Variants in LRPPRC observed in about 807,000 individuals in gnomAD.
LRPPRC encodes leucine rich pentatricopeptide repeat containing, also known as leucine-rich PPR motif-containing protein, mitochondrial.
LRPPRC carries 120 observed loss-of-function variants against 180.3 expected under a neutral mutation model. The observed-to-expected ratio is 0.67, with a 90% confidence interval of 0.57 to 0.77. The LOEUF is 0.77. LRPPRC is among the 30% of genes least tolerant of loss of function. The pLI, the probability that LRPPRC is intolerant of heterozygous loss-of-function variation, is 0.00. For synonymous variants in LRPPRC, 723 were observed against 600.0 expected, an observed-to-expected ratio of 1.21 and a Z score of -3.00; for missense variants, 2,012 against 1,657.2, an observed-to-expected ratio of 1.21 and a Z score of -3.72.
At chr2:43,890,060 C>T (rs1670431288) in intron 36 of LRPPRC, among the ~76,000 whole-genome samples, 184 bp from the exon 37 acceptor site, 2 of 152,162 alleles carry the variant, frequency 1.3e-5, no homozygotes, top group African/African-American at 2.4e-5. Context: ...ATCCCTCATT[C>T]GGCATCACTC....
chr2:43,966,972 A>G (rs1673588506), intron 11 of LRPPRC, among the ~76,000 whole-genome samples: 1 of 151,914 alleles, frequency 6.6e-6, no homozygotes, highest in East Asian at 2.0e-4. Flanking sequence ...AACTGCTTGA[A>G]CCCAGAGGGC....
chr2:43,941,930 C>G (rs1238386755), intron 23 of LRPPRC, among the ~76,000 whole-genome samples: 2 of 149,226 alleles, frequency 1.3e-5, no homozygotes, highest in Non-Finnish European at 3.0e-5. Flanking sequence ...AGTAAAACAC[C>G]AATAATGAAA....
At chr2:43,984,165 C>G (rs1674428628) in intron 1 of LRPPRC, among the ~76,000 whole-genome samples, 1 of 151,960 alleles carries the variant, frequency 6.6e-6, no homozygotes, top group Non-Finnish European at 1.5e-5. Context: ...TAATGTCCCG[C>G]AAGCACAAAG....
At chr2:43,922,874 A>C (rs538563990) in intron 27 of LRPPRC, among the ~76,000 whole-genome samples, 7 of 152,242 alleles carry the variant, frequency 4.6e-5, no homozygotes, top group Admixed American at 6.5e-5. Flanking sequence ...GATTAGGGCT[A>C]TCATAACCAG....
Position 43,901,308 on chromosome 2 carries a change from G to C in LRPPRC, c.3569+12C>G, listed in dbSNP as rs773414778. 3 of 1,607,592 alleles carry C rather than the reference G, an allele frequency of 1.9e-6. No individual in the cohort carries two copies. The South Asian group carries it at 3.3e-5, about 18-fold the overall frequency. On this transcript the variant is annotated intron_variant, in intron 32 of 37. Transcript: ENST00000260665. ...TGACCAATGAAGGAAAAGAAGGCTT[G>C]CAAATACTCACTTCTTTATTTGAGC...
Position 43,925,878 on chromosome 2 carries a change from G to A in LRPPRC, c.2805+15C>T, listed in dbSNP as rs1558951018. ...ACACTTTTAGGTGATTGAGACATCT[G>A]AATCAAATACAAACCTGATTATTTG... On this transcript the variant is annotated intron_variant, in intron 26 of 37. Coordinates refer to ENST00000260665, the MANE Select transcript of LRPPRC (RefSeq NM_133259.4). 5.0e-6 allele frequency: 8 copies of A among 1,586,940 alleles called. No homozygotes were observed. The highest frequency in any genetic ancestry group is 1.7e-5 in the Admixed American group (1 of 59,920).
intron 31 of LRPPRC, 113 bp from the exon 32 acceptor site, chr2:43,901,637 T>A: frequency 1.4e-6 from 1 of 709,182 alleles, no homozygotes; most frequent in East Asian, 2.7e-5. Flanking sequence ...CAAAAAGCTA[T>A]GAATAATTAA....
At chr2:43,977,120 G>T in intron 4 of LRPPRC, 35 bp downstream of exon 4, 1 of 1,607,906 alleles carries the variant, frequency 6.2e-7, no homozygotes, top group South Asian at 1.1e-5. Context: ...AAAAATGGTG[G>T]ATGTGAAAAT....
intron 9 of LRPPRC, 113 bp downstream of exon 9, chr2:43,974,037 G>T: frequency 8.0e-7 from 1 of 1,247,250 alleles, no homozygotes; most frequent in Non-Finnish European, 1.2e-6. Context: ...TGCAACACAA[G>T]AACATTGTTA....
intron 27 of LRPPRC, among the ~76,000 whole-genome samples, chr2:43,923,707 T>G (rs1042409964): frequency 3.3e-5 from 5 of 152,056 alleles, no homozygotes; most frequent in Admixed American, 6.6e-5. Context: ...TCATAGTTTT[T>G]TTTTTTTTTT....
chr2:43,903,882 T>G (rs1208285914), intron 31 of LRPPRC: 1 of 152,240 alleles, frequency 6.6e-6, no homozygotes, highest in Non-Finnish European at 1.5e-5. Flanking sequence ...CGAGCAAGTT[T>G]AACTTTTCAT....
chr2:43,909,766 G>T (rs1428606046), intron 30 of LRPPRC, among the ~76,000 whole-genome samples: 1 of 151,952 alleles, frequency 6.6e-6, no homozygotes, highest in African/African-American at 2.4e-5. Context: ...CATTAAATAT[G>T]TATCTTTTTA....
intron 25 of LRPPRC, among the ~76,000 whole-genome samples, chr2:43,928,199 T>A (rs559062506): frequency 6.6e-6 from 1 of 152,228 alleles, no homozygotes; most frequent in East Asian, 1.9e-4. Flanking sequence ...AATTCACTAC[T>A]AGGTTTACTT....
chr2:43,970,363 G>A (rs941673647), intron 11 of LRPPRC, among the ~76,000 whole-genome samples: 2 of 152,140 alleles, frequency 1.3e-5, no homozygotes, highest in Non-Finnish European at 1.5e-5. Context: ...GCCTGAGAGA[G>A]CAGACAAAGA....
intron 25 of LRPPRC, among the ~76,000 whole-genome samples, chr2:43,927,641 C>G (rs1289460151): frequency 6.6e-6 from 1 of 152,204 alleles, no homozygotes; most frequent in Admixed American, 6.5e-5. Flanking sequence ...CGGCAAAATG[C>G]AAGGGCTACG....
chr2:43,974,160 G>A lies in LRPPRC; in HGVS notation c.1145C>T (p.Thr382Ile). The stretch of plus-strand genomic sequence containing the variant: ...AAGTGGACAGAATACCGTATTCATA[G>A]TCACACAGTGTTGTAAAAAGAAACT... ...FGSFFLQHCVTMNTPVEKLTD... is the reference protein window; with the variant it reads ...FGSFFLQHCVIMNTPVEKLTD... Residue 382 changes from threonine (T) to isoleucine (I), a missense_variant, in exon 9 of 38, where the codon ACT becomes ATT. Transcript: ENST00000260665. 6.2e-7 allele frequency: 1 copy of A among 1,613,568 alleles called. No homozygotes were observed. Among genetic ancestry groups the A allele is most frequent in the African/African-American group, 1.3e-5 (1 of 75,024 alleles).
At chr2:43,974,796 G>C (rs746654768) in intron 7 of LRPPRC, 38 bp from the exon 8 acceptor site, 1 of 1,597,970 alleles carries the variant, frequency 6.3e-7, no homozygotes, top group Non-Finnish European at 8.6e-7. Context: ...CAAAGTTAGA[G>C]TGTTTTTATT....
intron 11 of LRPPRC, among the ~76,000 whole-genome samples, chr2:43,972,503 C>A (rs1673864160): frequency 6.6e-6 from 1 of 152,194 alleles, no homozygotes; most frequent in Non-Finnish European, 1.5e-5. Context: ...ACAATACTAA[C>A]ATGCCTGAAG....
intron 11 of LRPPRC, among the ~76,000 whole-genome samples, chr2:43,965,523 T>C (rs192303701): frequency 6.6e-6 from 1 of 152,188 alleles, no homozygotes; most frequent in Non-Finnish European, 1.5e-5. Flanking sequence ...TGGAACCACA[T>C]CTAACTAAAA....
Sources: gnomAD v4.1 joint callset for allele counts (sites outside exome capture counted in the v4.1 genomes callset) on GRCh38, gnomAD v4.1.1 for gene constraint, MANE v1.5 for transcripts, NCBI Gene and HGNC (gene_info 2026-07-23, HGNC 2026-07-21) for gene names.